Variants in DUOXA2 observed in about 807,000 individuals in gnomAD.
The protein encoded by DUOXA2 is dual oxidase maturation factor 2.
Under a neutral mutation model 27.6 loss-of-function variants are expected in DUOXA2, and 22 were observed. That is an observed-to-expected ratio of 0.80 (90% confidence interval 0.57 to 1.14). The LOEUF is 1.14. DUOXA2 is among the 50% of genes most tolerant of loss of function. The pLI is 0.00. For missense variants in DUOXA2, 481 were observed against 419.9 expected (o/e 1.15, Z -1.27); for synonymous variants, 188 against 184.4 (o/e 1.02, Z -0.16).
In DUOXA2 at chr15:45,116,629, G is replaced by A. The variant is rs545802467; in HGVS notation, c.454G>A (p.Asp152Asn). 4.3e-6 allele frequency: 7 copies of A among 1,613,948 alleles called. No homozygotes were observed. The African/African-American group carries it at 8.0e-5, about 18-fold the overall frequency. Residue 152 changes from aspartate to asparagine, a missense_variant, in exon 4 of 6, where the codon GAC becomes AAC. By Grantham distance (23) the Asp-to-Asn change is conservative. Transcript: ENST00000323030. ...YANALEKGLP[D>N]PVLYLAEKFT... ...GAACGCACTGGAGAAGGGGCTGCCG[G>A]ACCCAGTGCTCTACCTGGCGGAGAA...
intron 1 of DUOXA2, chr15:45,115,558 G>C (rs559974062): frequency 1.5e-6 from 1 of 676,072 alleles, no homozygotes; most frequent in Non-Finnish European, 2.7e-6. Flanking sequence ...GTGCCAGGAA[G>C]TGGGGGTGGA....
intron 5 of DUOXA2, 45 bp from the exon 6 acceptor site, chr15:45,117,671 C>T (rs1035995561): frequency 6.2e-7 from 1 of 1,613,676 alleles, no homozygotes; most frequent in African/African-American, 1.3e-5. Context: ...GCAACATAGC[C>T]CTGACTCCAC....
rs757519712 is a variant in DUOXA2 at position 45,114,725 on chromosome 15, C to T, written c.120C>T (p.Leu40=). 3.7e-6 allele frequency: 6 copies of T among 1,614,120 alleles called. No homozygotes were observed. In the African/African-American group the frequency reaches 4.0e-5, roughly 11 times the overall value. ...VFLALAASFL[L]ILPGIRGHSR... Reference sequence around the variant, plus strand: ...TGGCTCTAGCAGCAAGCTTCCTGCTCATCTTGCCGGGGATCCGTGGCCACT... The same window carrying T: ...TGGCTCTAGCAGCAAGCTTCCTGCTTATCTTGCCGGGGATCCGTGGCCACT... Residue 40 remains leucine (L), a synonymous_variant, in exon 1 of 6, where the codon CTC becomes CTT. Coordinates refer to ENST00000323030, the MANE Select transcript of DUOXA2 (RefSeq NM_207581.4).
At position 45,117,095 on chromosome 15, in the gene DUOXA2, G is replaced by T; in HGVS notation, c.559G>T (p.Ala187Ser). 1 of 1,598,918 alleles carries T rather than the reference G, an allele frequency of 6.3e-7. No homozygotes were observed. The highest frequency in any genetic ancestry group is 1.3e-5 in the African/African-American group (1 of 75,056). ...GGTCCCCCCACTCCCCGGCAGGGTGGCGTTCTGCTTCTGGCTCCTCTCCAA... is the reference window on the plus strand; with the variant it reads ...GGTCCCCCCACTCCCCGGCAGGGTGTCGTTCTGCTTCTGGCTCCTCTCCAA... The part of the protein sequence containing the change: ...GHYASATLWV[A>S]FCFWLLSNVL... Residue 187 changes from alanine to serine, a missense_variant, in exon 5 of 6, where the codon GCG becomes TCG. Transcript: ENST00000323030.
In DUOXA2 at chr15:45,117,853, C is replaced by T. The variant is rs1894771942; in HGVS notation, c.907C>T (p.Pro303Ser). The T allele has an allele frequency of 3.1e-6, 5 of 1,613,746 alleles. No individual in the cohort carries two copies. The highest frequency in any genetic ancestry group is 4.2e-6 in the Non-Finnish European group (5 of 1,180,032). The stretch of plus-strand genomic sequence containing the variant: ...GGGCTCACCTCTTATCCTCGGCGAC[C>T]CACTGCACAAGCAGGCCGCTCTCCC... Reference protein sequence around the residue: ...RGGSPLILGDPLHKQAALPDL... With the variant: ...RGGSPLILGDSLHKQAALPDL... Residue 303 changes from proline (P) to serine (S), a missense_variant, in exon 6 of 6, where the codon CCA (proline) becomes TCA (serine). By Grantham distance (74) the Pro-to-Ser change is moderately conservative. Coordinates refer to ENST00000323030, the MANE Select transcript of DUOXA2 (RefSeq NM_207581.4).
intron 1 of DUOXA2, 47 bp downstream of exon 1, chr15:45,114,799 G>T: frequency 1.9e-6 from 3 of 1,613,728 alleles, no homozygotes. Context: ...AGGCTCATGG[G>T]CAGATTGTCT....
Position 45,118,180 on chromosome 15 carries a change from GACAGCCTAGTAC to G in DUOXA2, c.*274_*285del. The stretch of plus-strand genomic sequence containing the variant: ...TCCTCATGAGCTTCGCTGGGCTGGA[GACAGCCTAGTAC>G]ACTCTCCGCAGTGCTGTGAAACCTG... On this transcript the variant is annotated 3_prime_UTR_variant, in exon 6 of 6. Transcript: ENST00000323030. The G allele has an allele frequency of 2.8e-6, 4 of 1,435,642 alleles. No homozygotes were observed. In the South Asian group the frequency reaches 4.5e-5, roughly 16 times the overall value. 88.9% of individuals were successfully genotyped at this position (1,435,642 alleles called of 1,614,324 possible). A position where few individuals can be genotyped will look rare whatever the true frequency, so the allele number is the denominator to read the frequency against.
In DUOXA2 at chr15:45,114,550, C is replaced by A; in HGVS notation, c.-56C>A. On this transcript the variant is annotated 5_prime_UTR_variant, in exon 1 of 6. Transcript: ENST00000323030. ...GACGCGCTCTCCCGCGTCCAGGCAG[C>A]CCCAGCTTGCTGGCTTGCCTGCCCG... The A allele has an allele frequency of 1.2e-6, 2 of 1,608,918 alleles. No homozygotes were observed. The highest frequency in any genetic ancestry group is 1.7e-6 in the Non-Finnish European group (2 of 1,178,702).
chr15:45,114,588 A>G lies in DUOXA2; in HGVS notation c.-18A>G, dbSNP rs749412178. The stretch of plus-strand genomic sequence containing the variant: ...GCTTGCCTGCCCGCCTGCGTGCAGC[A>G]CTCGGCCGGCGTGCAGCATGACCCT... On this transcript the variant is annotated 5_prime_UTR_variant, in exon 1 of 6. Transcript: ENST00000323030. 2.5e-6 allele frequency: 4 copies of G among 1,613,028 alleles called. No individual in the cohort carries two copies. The highest frequency in any genetic ancestry group is 3.4e-6 in the Non-Finnish European group (4 of 1,179,868).
At chr15:45,115,485 T>C (rs1342949511) in intron 1 of DUOXA2, 2 of 568,048 alleles carry the variant, frequency 3.5e-6, no homozygotes, top group African/African-American at 3.7e-5. Flanking sequence ...AAGCAGTGAC[T>C]GGACCAGGAG....
In DUOXA2 at chr15:45,115,910, C is replaced by T. The variant is rs554594860; in HGVS notation, c.205+54C>T. 859 of 1,611,900 alleles carry T rather than the reference C, an allele frequency of 5.3e-4. 2 individuals carry two copies. Among genetic ancestry groups the T allele is most frequent in the South Asian group, 1.2e-3 (106 of 91,022 alleles). ...AGGACGGGGTGAGGAAGGAGGTGGGCAGAGGGCACCTGGGACAATAGGGAA... is the reference window on the plus strand; with the variant it reads ...AGGACGGGGTGAGGAAGGAGGTGGGTAGAGGGCACCTGGGACAATAGGGAA... On this transcript the variant is annotated intron_variant, in intron 2 of 5. Coordinates refer to ENST00000323030, the MANE Select transcript of DUOXA2 (RefSeq NM_207581.4).
At position 45,118,007 on chromosome 15, in the gene DUOXA2, T is replaced by G. The variant is rs1424721486; in HGVS notation, c.*98T>G. 1.9e-6 allele frequency: 3 copies of G among 1,609,210 alleles called. No individual in the cohort carries two copies. The highest frequency in any genetic ancestry group is 2.5e-6 in the Non-Finnish European group (3 of 1,176,970). On this transcript the variant is annotated 3_prime_UTR_variant, in exon 6 of 6. Transcript: ENST00000323030. ...GCCAGGAGAGCTCCAGGAAGGGCAC[T>G]GAGCGCTGCTGGCGCGAGGCCTCGG...
Position 45,114,749 on chromosome 15 carries a change from C to G in DUOXA2, c.144C>G (p.His48Gln), listed in dbSNP as rs1194374194. Residue 48 changes from histidine to glutamine, a missense_variant, in exon 1 of 6, where the codon CAC becomes CAG. Transcript: ENST00000323030. The stretch of plus-strand genomic sequence containing the variant: ...TCATCTTGCCGGGGATCCGTGGCCA[C>G]TCGGTAAGGGTGTCCTCATAGTGCA... The part of the protein sequence containing the change: ...FLLILPGIRG[H>Q]SRWFWLVRVL... 3 of 1,614,152 alleles carry G rather than the reference C, an allele frequency of 1.9e-6. No individual in the cohort carries two copies. In the East Asian group the frequency reaches 6.7e-5, roughly 36 times the overall value.
Position 45,118,153 on chromosome 15 carries a change from C to G in DUOXA2, c.*244C>G. 7.0e-7 allele frequency: 1 copy of G among 1,438,556 alleles called. No individual in the cohort carries two copies. The highest frequency in any genetic ancestry group is 9.1e-7 in the Non-Finnish European group (1 of 1,101,456). The allele number at this position is 1,438,556 out of a possible 1,614,324, so 89.1% of individuals were successfully genotyped here. On this transcript the variant is annotated 3_prime_UTR_variant, in exon 6 of 6. Transcript: ENST00000323030. ...ATGGCTTCTCCGCGCCGGGGTCGCACGTCCTCATGAGCTTCGCTGGGCTGG... is the reference window on the plus strand; with the variant it reads ...ATGGCTTCTCCGCGCCGGGGTCGCAGGTCCTCATGAGCTTCGCTGGGCTGG...
chr15:45,115,828 C>T lies in DUOXA2; in HGVS notation c.177C>T (p.Leu59=), dbSNP rs1894602971. ...SRWFWLVRVL[L]SLFIGAEIVA... ...GGTTTTGGTTGGTGAGAGTTCTTCT[C>T]AGTCTGTTCATAGGCGCAGAAATTG... is the stretch of plus-strand genomic sequence containing the variant. The change falls in exon 2 of 6, where the codon CTC becomes CTT. Residue 59 remains leucine, a synonymous_variant. Coordinates refer to ENST00000323030, the MANE Select transcript of DUOXA2 (RefSeq NM_207581.4). 1 of 1,614,058 alleles carries T rather than the reference C, an allele frequency of 6.2e-7. No individual in the cohort carries two copies. The highest frequency in any genetic ancestry group is 8.5e-7 in the Non-Finnish European group (1 of 1,180,020).
rs1566980287 is a variant in DUOXA2 at position 45,114,642 on chromosome 15, C to T, written c.37C>T (p.Gln13Ter). The change falls in exon 1 of 6, where the codon CAG becomes TAG. Residue 13 changes from glutamine (Q) to a stop codon, truncating the protein, a stop_gained. Coordinates refer to ENST00000323030, the MANE Select transcript of DUOXA2 (RefSeq NM_207581.4). LOFTEE classifies it high-confidence loss of function. ...LWNGVLPFYP[Q>*]PRHAAGFSVP... ...GAACGGCGTACTGCCTTTTTACCCC[C>T]AGCCCCGGCATGCCGCAGGCTTCAG... 6.2e-7 allele frequency: 1 copy of T among 1,614,244 alleles called. No individual in the cohort carries two copies. Among genetic ancestry groups the T allele is most frequent in the African/African-American group, 1.3e-5 (1 of 75,072 alleles).
At chr15:45,115,440 C>T (rs777236562) in intron 1 of DUOXA2, 7 of 507,366 alleles carry the variant, frequency 1.4e-5, no homozygotes, top group South Asian at 4.6e-5. Context: ...GTGACCCCTG[C>T]GTGCCTAGCA....
intron 1 of DUOXA2, 170 bp from the exon 2 acceptor site, chr15:45,115,628 CA>C: frequency 1.2e-6 from 1 of 837,380 alleles, no homozygotes; most frequent in South Asian, 1.4e-5. Flanking sequence ...TGCGTGGTCA[CA>C]AAATATCAGA....
Position 45,118,304 on chromosome 15 carries a change from C to G in DUOXA2, c.*395C>G. On this transcript the variant is annotated 3_prime_UTR_variant, in exon 6 of 6. Coordinates refer to ENST00000323030, the MANE Select transcript of DUOXA2 (RefSeq NM_207581.4). ...CAGAGCTAGCATCTTTCTGAACCACCCCAGGGGGACGTTAGGTGGCAGTGA... is the reference window on the plus strand; with the variant it reads ...CAGAGCTAGCATCTTTCTGAACCACGCCAGGGGGACGTTAGGTGGCAGTGA... 1 of 1,270,526 alleles carries G rather than the reference C, an allele frequency of 7.9e-7. No homozygotes were observed. The highest frequency in any genetic ancestry group is 9.9e-7 in the Non-Finnish European group (1 of 1,008,762). 78.7% of individuals were successfully genotyped at this position (1,270,526 alleles called of 1,614,324 possible).
Sources: gnomAD v4.1 joint callset for allele counts on GRCh38, gnomAD v4.1.1 for gene constraint, MANE v1.5 for transcripts, NCBI Gene and HGNC (gene_info 2026-07-23, HGNC 2026-07-21) for gene names.